FGGY: variants seen among roughly 807,000 people sequenced by gnomAD.
FGGY encodes the protein FGGY carbohydrate kinase domain-containing protein.
Under a neutral mutation model 71.3 loss-of-function variants are expected in FGGY, and 72 were observed. The ratio of observed to expected loss-of-function variants is 1.01; its 90% CI spans 0.84 to 1.23. The LOEUF (loss-of-function observed/expected upper bound fraction) is 1.23, where lower values mean the gene tolerates loss of function less well. Among genes scored for constraint, FGGY ranks in the 50% most tolerant of loss-of-function variants. The pLI is 0.00. For missense variants in FGGY, 668 were observed against 682.3 expected (o/e 0.98, Z 0.23); for synonymous variants, 251 against 250.3 (o/e 1.00, Z -0.02).
At chr1:59,723,759 G>A (rs556588731) in intron 14 of FGGY, among the ~76,000 whole-genome samples, 10 of 152,138 alleles carry the variant, frequency 6.6e-5, no homozygotes, top group South Asian at 2.1e-4. Context: ...TAAAATTTAC[G>A]TACATTAAGG....
intron 7 of FGGY, among the ~76,000 whole-genome samples, chr1:59,545,686 A>C (rs1403209470): frequency 6.6e-6 from 1 of 152,170 alleles, no homozygotes. Context: ...AGACCCAGTT[A>C]TCAGAAGGTC....
At chr1:59,723,192 G>T (rs2097911934) in intron 14 of FGGY, among the ~76,000 whole-genome samples, 1 of 152,042 alleles carries the variant, frequency 6.6e-6, no homozygotes. Context: ...AATGCTTCTT[G>T]GCCCTCCCAG....
intron 9 of FGGY, among the ~76,000 whole-genome samples, chr1:59,611,737 G>A (rs1463127141): frequency 6.6e-6 from 1 of 152,164 alleles, no homozygotes; most frequent in African/African-American, 2.4e-5. Context: ...TGGCAAAGAA[G>A]TTAAAAACCT....
At chr1:59,534,631 T>C (rs556041505) in intron 7 of FGGY, among the ~76,000 whole-genome samples, 1 of 152,180 alleles carries the variant, frequency 6.6e-6, no homozygotes, top group African/African-American at 2.4e-5. Flanking sequence ...ACAGCGGATC[T>C]CTTGGCAGAA....
intron 7 of FGGY, among the ~76,000 whole-genome samples, chr1:59,547,141 C>T (rs1232305468): frequency 2.6e-5 from 4 of 151,526 alleles, no homozygotes; most frequent in African/African-American, 7.3e-5. Context: ...GTAGTAAAGA[C>T]GGGGTTTCAC....
chr1:59,434,214 C>T (rs2067961194), intron 5 of FGGY, among the ~76,000 whole-genome samples: 1 of 152,194 alleles, frequency 6.6e-6, no homozygotes, highest in Non-Finnish European at 1.5e-5. Context: ...TTAAGGCAGA[C>T]TTTGTGTCTT....
chr1:59,723,563 TGG>T (rs141394151), intron 14 of FGGY, among the ~76,000 whole-genome samples: 1 of 128,916 alleles, frequency 7.8e-6, no homozygotes, highest in African/African-American at 2.9e-5. Flanking sequence ...TGTTTTTTTT[TGG>T]GGGGGGGTGG....
intron 8 of FGGY, among the ~76,000 whole-genome samples, chr1:59,595,976 G>A (rs2096519041): frequency 6.6e-6 from 1 of 152,086 alleles, no homozygotes; most frequent in African/African-American, 2.4e-5. Flanking sequence ...CTGTTACTCT[G>A]AAGCCATCAT....
chr1:59,640,631 T>C (rs1364499019), intron 11 of FGGY, among the ~76,000 whole-genome samples: 2 of 151,508 alleles, frequency 1.3e-5, no homozygotes, highest in East Asian at 3.8e-4. Flanking sequence ...GAGTAAGTGC[T>C]CAGTATATGC....
Position 59,750,292 on chromosome 1 carries a change from C to T in FGGY, c.1513-7639C>T, listed in dbSNP as rs150590725. Among the ~76,000 whole-genome samples the T allele has an allele frequency of 1.5e-3, 224 of 151,990 alleles. 1 individual carries two copies. The highest frequency in any genetic ancestry group is 5.1e-3 in the African/African-American group (212 of 41,444). The stretch of plus-strand genomic sequence containing the variant: ...TTAGAGTCAAAATTAGAGGACTGGG[C>T]GTCTAAAAATTTTTTTTTCTCTTGG... On this transcript the variant is annotated intron_variant, in intron 14 of 15. Transcript: ENST00000303721.
At chr1:59,373,296 C>A (rs1328638622) in intron 4 of FGGY, among the ~76,000 whole-genome samples, 1 of 152,100 alleles carries the variant, frequency 6.6e-6, no homozygotes, top group East Asian at 1.9e-4. Context: ...TGAGTGAACT[C>A]CCATTCACAA....
At chr1:59,721,963 T>G (rs2097900755) in intron 14 of FGGY, among the ~76,000 whole-genome samples, 1 of 152,228 alleles carries the variant, frequency 6.6e-6, no homozygotes, top group African/African-American at 2.4e-5. Flanking sequence ...AAGCGAGACC[T>G]TTGTTAATTA....
At chr1:59,401,846 G>C (rs1314703021) in intron 5 of FGGY, among the ~76,000 whole-genome samples, 1 of 152,160 alleles carries the variant, frequency 6.6e-6, no homozygotes, top group Non-Finnish European at 1.5e-5. Context: ...GAAACATGAG[G>C]AACAGTGAAT....
At chr1:59,713,173 T>G (rs946470609) in intron 14 of FGGY, among the ~76,000 whole-genome samples, 4 of 152,210 alleles carry the variant, frequency 2.6e-5, no homozygotes, top group Admixed American at 6.5e-5. Context: ...TTGCTCCCAT[T>G]CCCACAAGTT....
intron 12 of FGGY, 39 bp from the exon 13 acceptor site, chr1:59,667,244 G>A (rs780353588): frequency 6.2e-7 from 1 of 1,612,926 alleles, no homozygotes; most frequent in Admixed American, 1.7e-5. Context: ...GTTTACTTTT[G>A]TGACTATACT....
intron 4 of FGGY, among the ~76,000 whole-genome samples, chr1:59,376,853 C>T (rs972131283): frequency 6.6e-6 from 1 of 152,198 alleles, no homozygotes; most frequent in Non-Finnish European, 1.5e-5. Context: ...ACCTTTCTTG[C>T]TAGTTCCTCT....
intron 9 of FGGY, among the ~76,000 whole-genome samples, chr1:59,613,500 G>T (rs151287536): frequency 1.1e-3 from 169 of 152,282 alleles, no homozygotes; most frequent in African/African-American, 4.0e-3. Flanking sequence ...TCAAAGTAGT[G>T]TGTAGAGGGA....
chr1:59,358,000 T>C (rs2054663048), intron 4 of FGGY, among the ~76,000 whole-genome samples: 1 of 152,214 alleles, frequency 6.6e-6, no homozygotes, highest in African/African-American at 2.4e-5. Flanking sequence ...CAAAATTCTT[T>C]TCTCATAGTG....
Position 59,344,659 on chromosome 1 carries a change from G to A in FGGY, c.314-1588G>A, listed in dbSNP as rs114692931. ...ATACTCAAGTCCCTGATGTAAAATG[G>A]CATCGTATTTGCGTATAACCTATGT... On this transcript the variant is annotated intron_variant, in intron 3 of 15. Coordinates refer to ENST00000303721, the MANE Select transcript of FGGY (RefSeq NM_018291.5). Among the ~76,000 whole-genome samples, 811 of 152,140 alleles carry A rather than the reference G, an allele frequency of 5.3e-3. 8 individuals are homozygous for A. The highest frequency in any genetic ancestry group is 0.019 in the African/African-American group (769 of 41,516).
Sources: gnomAD v4.1 joint callset for allele counts (sites outside exome capture counted in the v4.1 genomes callset) on GRCh38, gnomAD v4.1.1 for gene constraint, MANE v1.5 for transcripts, NCBI Gene and HGNC (gene_info 2026-07-23, HGNC 2026-07-21) for gene names.